Variants in ANK2 observed in about 807,000 individuals in gnomAD.
The protein encoded by ANK2 is ankyrin-2.
In ANK2, 83 loss-of-function variants were observed where a neutral mutation model predicts 360.5. That is an observed-to-expected ratio of 0.23 (90% CI 0.19 to 0.28). The LOEUF (loss-of-function observed/expected upper bound fraction) is 0.28, where lower values mean the gene tolerates loss of function less well. Among genes scored for constraint, ANK2 ranks in the 10% least tolerant of loss-of-function variants. ANK2 has a pLI of 1.00. For missense variants in ANK2, 4,201 were observed against 4,795.7 expected (o/e 0.88, Z 3.66); for synonymous variants, 1,740 against 1,759.5 (o/e 0.99, Z 0.28).
At chr4:113,149,435 A>G (rs1342699427) in intron 1 of ANK2, among the ~76,000 whole-genome samples, 6 of 152,184 alleles carry the variant, frequency 3.9e-5, no homozygotes, top group Non-Finnish European at 8.8e-5. Flanking sequence ...TAAAAGTTTT[A>G]TAAAAGATAA....
At chr4:112,917,002 G>C (rs1370650349) in intron 2 of ANK2, among the ~76,000 whole-genome samples, 1 of 152,168 alleles carries the variant, frequency 6.6e-6, no homozygotes, top group African/African-American at 2.4e-5. Context: ...AGAGAGGCAT[G>C]GCTTGAATAA....
the ANK2 span, among the ~76,000 whole-genome samples, chr4:112,742,174 T>A: frequency 6.6e-6 from 1 of 151,944 alleles, no homozygotes; most frequent in African/African-American, 2.4e-5. Flanking sequence ...CCCAGCTACT[T>A]GGGAGGCTGA....
rs141237853 is a variant in ANK2 at position 113,280,418 on chromosome 4, T to C, written c.1881+1860T>C. On this transcript the variant is annotated intron_variant, in intron 17 of 45. Transcript: ENST00000357077. The stretch of plus-strand genomic sequence containing the variant: ...CATTTGTCTACTCCAGAGTCCACAG[T>C]AGGATGGGTATTCTGGGAATGCCTC... 2.4e-4 allele frequency among the ~76,000 whole-genome samples: 36 copies of C among 152,328 alleles called. No homozygotes were observed. The East Asian group carries it at 6.8e-3, about 29-fold the overall frequency.
chr4:112,883,775 C>T (rs929827997), intron 1 of ANK2, among the ~76,000 whole-genome samples: 1 of 151,480 alleles, frequency 6.6e-6, no homozygotes, highest in African/African-American at 2.4e-5. Flanking sequence ...TTGGCCTTTA[C>T]TCATGAATGA....
chr4:113,038,842 A>C (rs183235127), intron 2 of ANK2, among the ~76,000 whole-genome samples: 154 of 152,196 alleles, frequency 1.0e-3, no homozygotes, highest in African/African-American at 3.5e-3. Context: ...AGAGAGAGCA[A>C]CAAGCACCAA....
intron 2 of ANK2, among the ~76,000 whole-genome samples, chr4:112,966,776 A>G (rs2037447378): frequency 6.6e-6 from 1 of 152,180 alleles, no homozygotes; most frequent in African/African-American, 2.4e-5. Flanking sequence ...TTTAAATGTT[A>G]AAAAAATCTT....
intron 14 of ANK2, among the ~76,000 whole-genome samples, chr4:113,271,087 AG>A (rs974653421): frequency 6.6e-6 from 1 of 152,206 alleles, no homozygotes; most frequent in Non-Finnish European, 1.5e-5. Flanking sequence ...GATAAGAAAA[AG>A]ATTTCTCCTC....
intron 20 of ANK2, among the ~76,000 whole-genome samples, chr4:113,290,655 C>T (rs917384663): frequency 2.1e-4 from 32 of 151,214 alleles, no homozygotes; most frequent in African/African-American, 6.4e-4. Context: ...AACAAACAAA[C>T]AGAATGAAAA....
chr4:113,354,126 C>T lies in ANK2; in HGVS notation c.5508C>T (p.Ser1836=), dbSNP rs766217545. The change falls in exon 38 of 46, where the codon TCC becomes TCT. Residue 1836 remains serine, a synonymous_variant. Transcript: ENST00000357077. ...AAAGACACTCTACTCTTTCCTCTTC[C>T]GCAAAAACTGAAAGGCACCCTCCAG... ...KTERHSTLSS[S]AKTERHPPVS... is the part of the protein sequence containing the mutation. The T allele has an allele frequency of 5.8e-5, 94 of 1,613,974 alleles. No homozygotes were observed. Among genetic ancestry groups the T allele is most frequent in the South Asian group, 5.6e-4 (51 of 91,086 alleles).
At chr4:113,247,176 A>G (rs1451748171) in intron 9 of ANK2, among the ~76,000 whole-genome samples, 1 of 150,232 alleles carries the variant, frequency 6.7e-6, no homozygotes, top group Non-Finnish European at 1.5e-5. Context: ...AAAAAAAAAC[A>G]ACAACAGAGA....
rs534912697 is a variant in ANK2 at position 113,113,175 on chromosome 4, G to T, written c.85-61241G>T. Among the ~76,000 whole-genome samples, 12 of 126,938 alleles carry T rather than the reference G, an allele frequency of 9.5e-5. No homozygotes were observed. The South Asian group carries it at 3.2e-3, about 34-fold the overall frequency. 83.3% of individuals were successfully genotyped at this position (126,938 alleles called of 152,430 possible). The stretch of plus-strand genomic sequence containing the variant: ...CACATAGTTCAAACATAGTTCAAGT[G>T]AGCACATTCTTTTTTTTTTTTCCCT... On this transcript the variant is annotated intron_variant, in intron 1 of 45. Coordinates refer to ENST00000357077, the MANE Select transcript of ANK2 (RefSeq NM_001148.6).
chr4:113,316,369 G>T (rs1216611135), intron 24 of ANK2, among the ~76,000 whole-genome samples: 1 of 152,118 alleles, frequency 6.6e-6, no homozygotes, highest in Non-Finnish European at 1.5e-5. Context: ...AGAAGGTCCT[G>T]GATTACTATG....
intron 2 of ANK2, among the ~76,000 whole-genome samples, chr4:112,909,328 T>G (rs543866633): frequency 6.6e-6 from 1 of 152,340 alleles, no homozygotes; most frequent in East Asian, 1.9e-4. Context: ...TTTTCTGGAA[T>G]TCTTTTTCCT....
chr4:112,883,812 A>T (rs965695481), intron 1 of ANK2, among the ~76,000 whole-genome samples: 5 of 150,790 alleles, frequency 3.3e-5, no homozygotes, highest in Middle Eastern at 3.2e-3. Context: ...ACTTTAAATC[A>T]AAGTAAAATG....
rs2076823967 is a variant in ANK2 at position 112,881,989 on chromosome 4, G to C, written c.-39-22466G>C. The C allele has an allele frequency of 6.9e-6, 4 of 578,216 alleles. No homozygotes were observed. The Admixed American group carries it at 9.1e-5, about 13-fold the overall frequency. 35.8% of individuals were successfully genotyped at this position (578,216 alleles called of 1,614,324 possible). ...ATACGTGACAAACCCAGAGCCCCCG[G>C]AGTGCTTGGTGCTTGCATGTCTACT... On this transcript the variant is annotated intron_variant, in intron 1 of 30. Transcript: ENST00000503271.
At chr4:112,946,460 C>G (rs1016154454) in intron 2 of ANK2, among the ~76,000 whole-genome samples, 1 of 152,158 alleles carries the variant, frequency 6.6e-6, no homozygotes, top group South Asian at 2.1e-4. Flanking sequence ...AAGGCGCAGA[C>G]AGCTAACGGA....
chr4:113,162,684 G>T (rs2097578476), intron 1 of ANK2, among the ~76,000 whole-genome samples: 1 of 150,094 alleles, frequency 6.7e-6, no homozygotes, highest in South Asian at 2.1e-4. Context: ...GGATCTCCCT[G>T]GGTCTACTTT....
chr4:112,928,782 G>A (rs1199520366), intron 2 of ANK2, among the ~76,000 whole-genome samples: 1 of 151,902 alleles, frequency 6.6e-6, no homozygotes, highest in Non-Finnish European at 1.5e-5. Flanking sequence ...TTGACACTTC[G>A]ATCTTGAACT....
chr4:113,280,931 C>T (rs559514860), intron 17 of ANK2, among the ~76,000 whole-genome samples: 1 of 152,230 alleles, frequency 6.6e-6, no homozygotes, highest in East Asian at 1.9e-4. Context: ...ATTTGGTCCA[C>T]AAAAATCTGT....
Sources: allele counts gnomAD v4.1 joint callset (sites outside exome capture counted in the v4.1 genomes callset), GRCh38; gene constraint gnomAD v4.1.1; transcripts MANE v1.5; gene names NCBI Gene and HGNC (gene_info 2026-07-23, HGNC 2026-07-21).